KIAA1328: variants seen among roughly 807,000 people sequenced by gnomAD.
KIAA1328 encodes protein hinderin.
KIAA1328 carries 52 observed loss-of-function variants against 68.1 expected under a neutral mutation model. That is an observed-to-expected ratio of 0.76 (90% CI 0.61 to 0.96). The LOEUF (loss-of-function observed/expected upper bound fraction) is 0.96. Ranked by LOEUF, KIAA1328 falls within the 40% of genes least tolerant of loss-of-function variation. The probability of loss-of-function intolerance (pLI) is 0.00; values close to 1 mark genes in which losing one functional copy is unlikely to be tolerated. For missense variants in KIAA1328, 641 were observed against 677.6 expected (o/e 0.95, Z 0.60); for synonymous variants, 232 against 239.4 (o/e 0.97, Z 0.28).
At chr18:36,944,057 G>GA (rs534373914) in intron 5 of KIAA1328, among the ~76,000 whole-genome samples, 202 of 152,244 alleles carry the variant, frequency 1.3e-3, no homozygotes, top group African/African-American at 4.5e-3. Context: ...ATTATGATTT[G>GA]AAAATACTGA....
chr18:37,177,185 G>A lies in KIAA1328; in HGVS notation c.1523+4104G>A, dbSNP rs550066561. Among the ~76,000 whole-genome samples, 9 of 152,246 alleles carry A rather than the reference G, an allele frequency of 5.9e-5. No individual in the cohort carries two copies. In the South Asian group the frequency reaches 1.9e-3, roughly 32 times the overall value. On this transcript the variant is annotated intron_variant, in intron 9 of 9. Coordinates refer to ENST00000280020, the MANE Select transcript of KIAA1328 (RefSeq NM_020776.3). The stretch of plus-strand genomic sequence containing the variant: ...TATTACAGCTGTATATCCTTGATAT[G>A]TTGGTGTCTTTTTCTATTCAGATGT...
At chr18:37,011,831 T>C (rs1377788732) in intron 6 of KIAA1328, among the ~76,000 whole-genome samples, 2 of 152,080 alleles carry the variant, frequency 1.3e-5, no homozygotes, top group Non-Finnish European at 2.9e-5. Context: ...GGAGCATGGG[T>C]AATTTTTAGT....
downstream of KIAA1328, among the ~76,000 whole-genome samples, chr18:37,226,755 A>G (rs2060641574): frequency 7.5e-6 from 1 of 133,688 alleles, no homozygotes; most frequent in East Asian, 2.1e-4. Flanking sequence ...GAATGCTGCC[A>G]TGAAGATCCA....
At chr18:37,138,474 C>A (rs1481595136) in intron 7 of KIAA1328, among the ~76,000 whole-genome samples, 1 of 152,142 alleles carries the variant, frequency 6.6e-6, no homozygotes, top group Non-Finnish European at 1.5e-5. Flanking sequence ...ATTATTCTAC[C>A]CAGTACATCT....
At chr18:37,109,319 C>T (rs2151897060) in intron 7 of KIAA1328, among the ~76,000 whole-genome samples, 1 of 152,284 alleles carries the variant, frequency 6.6e-6, no homozygotes, top group South Asian at 2.1e-4. Flanking sequence ...GTTGTATAAA[C>T]ATCATTTGTT....
At chr18:37,064,766 T>G (rs919088798) in intron 6 of KIAA1328, among the ~76,000 whole-genome samples, 7 of 151,688 alleles carry the variant, frequency 4.6e-5, no homozygotes, top group Non-Finnish European at 1.0e-4. Flanking sequence ...GGAGTTGGAG[T>G]GACACACCGT....
intron 6 of KIAA1328, among the ~76,000 whole-genome samples, chr18:36,989,651 T>C (rs1271640454): frequency 1.3e-5 from 2 of 152,184 alleles, no homozygotes; most frequent in Non-Finnish European, 2.9e-5. Context: ...ACAAATGATA[T>C]ATTTTTTTAA....
chr18:37,182,271 T>C (rs948362310), intron 9 of KIAA1328, among the ~76,000 whole-genome samples: 10 of 152,058 alleles, frequency 6.6e-5, no homozygotes, highest in African/African-American at 2.4e-4. Flanking sequence ...AAAATTACTT[T>C]ATATGTTACC....
chr18:37,141,502 G>A (rs2058763778), intron 7 of KIAA1328, among the ~76,000 whole-genome samples: 1 of 152,124 alleles, frequency 6.6e-6, no homozygotes, highest in Non-Finnish European at 1.5e-5. Flanking sequence ...TCTGTTGATG[G>A]ACATATGGAT....
chr18:36,902,740 A>G (rs2049085547), intron 5 of KIAA1328, among the ~76,000 whole-genome samples: 1 of 151,996 alleles, frequency 6.6e-6, no homozygotes, highest in South Asian at 2.1e-4. Context: ...TTTTTTAGAG[A>G]TGATGAAAGT....
At chr18:37,191,305 G>A (rs918059735) in intron 9 of KIAA1328, among the ~76,000 whole-genome samples, 4 of 152,118 alleles carry the variant, frequency 2.6e-5, no homozygotes, top group African/African-American at 9.7e-5. Context: ...GTTACATTGT[G>A]TTTACCATAT....
intron 6 of KIAA1328, among the ~76,000 whole-genome samples, chr18:36,982,154 T>C (rs932683566): frequency 8.3e-4 from 47 of 56,862 alleles, no homozygotes; most frequent in South Asian, 4.3e-3. Context: ...TAAATATATA[T>C]AATATATATA....
chr18:37,227,809 A>G (rs924352024), downstream of KIAA1328, among the ~76,000 whole-genome samples: 5 of 152,330 alleles, frequency 3.3e-5, no homozygotes, highest in East Asian at 9.6e-4. Context: ...AACTTTCCAC[A>G]TCTTATTGTT....
chr18:36,856,283 C>G (rs1330129117), intron 4 of KIAA1328, among the ~76,000 whole-genome samples: 1 of 151,902 alleles, frequency 6.6e-6, no homozygotes, highest in South Asian at 2.1e-4. Flanking sequence ...CTTTCTTTCT[C>G]TCTTCTTCCT....
rs576466957 is a variant in KIAA1328 at position 37,108,263 on chromosome 18, C to G, written c.1232+40718C>G. Among the ~76,000 whole-genome samples, 9 of 151,712 alleles carry G rather than the reference C, an allele frequency of 5.9e-5. No homozygotes were observed. The South Asian group carries it at 1.9e-3, about 31-fold the overall frequency. On this transcript the variant is annotated intron_variant, in intron 7 of 9. Coordinates refer to ENST00000280020, the MANE Select transcript of KIAA1328 (RefSeq NM_020776.3). ...GGCTATTATCATAAGCAAATTTACACAGGAACAGAAAACCAAATACTGCAT... is the reference window on the plus strand; with the variant it reads ...GGCTATTATCATAAGCAAATTTACAGAGGAACAGAAAACCAAATACTGCAT...
chr18:36,876,421 G>A (rs1445241472), intron 4 of KIAA1328, among the ~76,000 whole-genome samples: 10 of 152,118 alleles, frequency 6.6e-5, no homozygotes, highest in East Asian at 1.9e-4. Flanking sequence ...ATGTGTCTAG[G>A]AATTTATCCA....
chr18:37,180,715 T>C (rs1212424592), intron 9 of KIAA1328, among the ~76,000 whole-genome samples: 1 of 152,074 alleles, frequency 6.6e-6, no homozygotes, highest in African/African-American at 2.4e-5. Context: ...TTTTCTGATG[T>C]TCCTAGCAGA....
At chr18:36,905,244 T>C (rs1483227098) in intron 5 of KIAA1328, among the ~76,000 whole-genome samples, 2 of 151,924 alleles carry the variant, frequency 1.3e-5, no homozygotes, top group East Asian at 3.9e-4. Flanking sequence ...CCCAAATAGC[T>C]GGGACTAGAG....
At chr18:37,132,218 A>G (rs145234871) in intron 7 of KIAA1328, among the ~76,000 whole-genome samples, 1 of 152,300 alleles carries the variant, frequency 6.6e-6, no homozygotes, top group Non-Finnish European at 1.5e-5. Context: ...CATATTGTGT[A>G]TCCGAAAACA....
Sources: gnomAD v4.1 joint callset for allele counts (sites outside exome capture counted in the v4.1 genomes callset) on GRCh38, gnomAD v4.1.1 for gene constraint, MANE v1.5 for transcripts, NCBI Gene and HGNC (gene_info 2026-07-23, HGNC 2026-07-21) for gene names.